Variants in TSPAN16 observed in about 807,000 individuals in gnomAD.
The protein encoded by TSPAN16 is tetraspanin-16.
In TSPAN16, 23 loss-of-function variants were observed where a neutral mutation model predicts 25.2. The observed-to-expected ratio is 0.91, with a 90% CI of 0.66 to 1.29. The LOEUF is 1.29. TSPAN16 is among the 50% of genes most tolerant of loss of function. The probability of loss-of-function intolerance (pLI) is 0.00; values close to 1 mark genes in which losing one functional copy is unlikely to be tolerated. For synonymous variants in TSPAN16, 123 were observed against 124.4 expected, an observed-to-expected ratio of 0.99 and a Z score of 0.08; for missense variants, 272 against 299.9, an observed-to-expected ratio of 0.91 and a Z score of 0.69.
At chr19:11,298,391 T>C in intron 2 of TSPAN16, 52 bp downstream of exon 2, 1 of 1,556,418 alleles carries the variant, frequency 6.4e-7, no homozygotes, top group African/African-American at 1.4e-5. Flanking sequence ...CACACACAAA[T>C]CTTTTATTGT....
chr19:11,300,924 G>A (rs777516119), intron 3 of TSPAN16: 34 of 312,322 alleles, frequency 1.1e-4, no homozygotes, highest in Non-Finnish European at 1.7e-4. Context: ...GGGTGTAGGC[G>A]ATTCCAAAGA....
downstream of TSPAN16, among the ~76,000 whole-genome samples, chr19:11,319,464 G>T (rs1011333403): frequency 7.9e-5 from 12 of 152,196 alleles, no homozygotes; most frequent in Middle Eastern, 3.4e-3. Context: ...CGGGCGTGGT[G>T]GCACACGCCC....
At chr19:11,316,054 C>A (rs1012095735), downstream of TSPAN16, 3 of 769,048 alleles carry the variant, frequency 3.9e-6, no homozygotes, top group African/African-American at 1.9e-5. Context: ...TGCCCTTTCT[C>A]ATACAACTTT....
intron 2 of TSPAN16, 104 bp from the exon 3 acceptor site, chr19:11,298,768 G>C (rs1055996681): frequency 1.8e-6 from 2 of 1,088,854 alleles, no homozygotes; most frequent in African/African-American, 3.1e-5. Flanking sequence ...GGGTGGCCTG[G>C]GGTGGAGGGT....
chr19:11,310,897 G>C (rs2080683387), intron 5 of TSPAN16, among the ~76,000 whole-genome samples: 1 of 151,960 alleles, frequency 6.6e-6, no homozygotes, highest in Non-Finnish European at 1.5e-5. Context: ...GAGTACAGTG[G>C]TGCAAACATG....
downstream of TSPAN16, chr19:11,316,029 C>A: frequency 9.5e-7 from 1 of 1,055,462 alleles, no homozygotes; most frequent in Non-Finnish European, 1.2e-6. Flanking sequence ...CTCAAAATGC[C>A]TGAATGAGAG....
chr19:11,309,912 A>C (rs928925842), intron 5 of TSPAN16, among the ~76,000 whole-genome samples: 1 of 152,142 alleles, frequency 6.6e-6, no homozygotes, highest in Non-Finnish European at 1.5e-5. Flanking sequence ...ACCAGCCTGA[A>C]CAACATAGCA....
Position 11,298,179 on chromosome 19 carries a change from G to A in TSPAN16, c.107G>A (p.Gly36Asp). ...GIILVGLGIG[G>D]KCGGASLTNV... Reference sequence around the variant, plus strand: ...ATCCTAGTTGGCCTGGGCATTGGTGGTAAATGTGGAGGGGCCTCTCTGACG... The same window carrying A: ...ATCCTAGTTGGCCTGGGCATTGGTGATAAATGTGGAGGGGCCTCTCTGACG... The change falls in exon 2 of 7, where the codon GGT becomes GAT. Residue 36 changes from glycine (G) to aspartate (D), a missense_variant. Coordinates refer to ENST00000590327, the MANE Select transcript of TSPAN16 (RefSeq NM_001282509.2). 6.2e-7 allele frequency: 1 copy of A among 1,614,188 alleles called. No individual in the cohort carries two copies. Among genetic ancestry groups the A allele is most frequent in the Non-Finnish European group, 8.5e-7 (1 of 1,180,026 alleles).
At chr19:11,314,382 T>C (rs1265620644) in intron 6 of TSPAN16, among the ~76,000 whole-genome samples, 53 of 152,308 alleles carry the variant, frequency 3.5e-4, no homozygotes, top group Admixed American at 3.5e-3. Flanking sequence ...AAGTGCTCCA[T>C]GCCCCTGGTT....
intron 1 of TSPAN16, among the ~76,000 whole-genome samples, chr19:11,296,737 A>G (rs1328759402): frequency 6.6e-6 from 1 of 152,234 alleles, no homozygotes; most frequent in Non-Finnish European, 1.5e-5. Context: ...CCCGAAATGT[A>G]CATTGCTAAG....
intron 5 of TSPAN16, 62 bp from the exon 6 acceptor site, chr19:11,312,077 G>T: frequency 7.7e-7 from 1 of 1,306,848 alleles, no homozygotes; most frequent in South Asian, 1.2e-5. Flanking sequence ...TGGGGTTGAT[G>T]GGGACTTGCA....
downstream of TSPAN16, chr19:11,316,085 TG>T (rs1443328443): frequency 3.1e-6 from 1 of 321,666 alleles, no homozygotes; most frequent in East Asian, 7.6e-5. Context: ...AAATTATTCT[TG>T]GTGTGTGTGT....
At chr19:11,314,245 A>C (rs2047909783) in intron 6 of TSPAN16, among the ~76,000 whole-genome samples, 2 of 152,194 alleles carry the variant, frequency 1.3e-5, no homozygotes, top group African/African-American at 4.8e-5. Context: ...TTCATGATGA[A>C]AATGTTCTTA....
At chr19:11,298,045 G>A (rs1185309883) in intron 1 of TSPAN16, 97 bp from the exon 2 acceptor site, 1 of 1,321,776 alleles carries the variant, frequency 7.6e-7, no homozygotes, top group African/African-American at 1.4e-5. Context: ...GCCTCCCAAA[G>A]TGCTGGGATT....
intron 6 of TSPAN16, chr19:11,325,229 C>G (rs1047901905): frequency 1.7e-6 from 1 of 573,594 alleles, no homozygotes; most frequent in Admixed American, 3.1e-5. Flanking sequence ...GCCTGAGGAA[C>G]CTGGCAGCCA....
intron 6 of TSPAN16, chr19:11,325,061 A>G: frequency 4.3e-6 from 1 of 231,952 alleles, no homozygotes; most frequent in Admixed American, 5.1e-5. Context: ...GCTAGAAGGC[A>G]CCACGGATGC....
At chr19:11,310,257 G>T (rs1488346540) in intron 5 of TSPAN16, among the ~76,000 whole-genome samples, 1 of 152,134 alleles carries the variant, frequency 6.6e-6, no homozygotes, top group Non-Finnish European at 1.5e-5. Flanking sequence ...CGGGTGTGGT[G>T]GCTCACGCCT....
intron 2 of TSPAN16, 144 bp from the exon 3 acceptor site, chr19:11,298,728 C>G: frequency 1.3e-6 from 1 of 754,608 alleles, no homozygotes; most frequent in Non-Finnish European, 2.3e-6. Context: ...CCACTGCTCC[C>G]GGTCGAATTG....
At chr19:11,316,115 GTGGTTTTTTTTTTT>G (rs990324175), downstream of TSPAN16, 320 of 294,482 alleles carry the variant, frequency 1.1e-3, 2 homozygotes, top group Non-Finnish European at 4.0e-4. Flanking sequence ...GTGTGTGTGT[GTGGTTTTTTTTTTT>G]TTTTCCTTTT....
Sources: allele counts gnomAD v4.1 joint callset (sites outside exome capture counted in the v4.1 genomes callset), GRCh38; gene constraint gnomAD v4.1.1; transcripts MANE v1.5; gene names NCBI Gene and HGNC (gene_info 2026-07-23, HGNC 2026-07-21).